HEATR6: variants seen among roughly 807,000 people sequenced by gnomAD.
HEATR6 encodes HEAT repeat-containing protein 6.
HEATR6 carries 106 observed loss-of-function variants against 132.8 expected under a neutral mutation model. The ratio of observed to expected loss-of-function variants is 0.80; its 90% CI spans 0.68 to 0.94. The LOEUF is 0.94. Among genes scored for constraint, HEATR6 ranks in the 40% least tolerant of loss-of-function variants. The pLI, the probability that HEATR6 is intolerant of heterozygous loss-of-function variation, is 0.00. For missense variants in HEATR6, 1,339 were observed against 1,425.1 expected, an observed-to-expected ratio of 0.94 and a Z score of 0.97; for synonymous variants, 529 against 537.8, an observed-to-expected ratio of 0.98 and a Z score of 0.23.
rs754256739 is a variant in HEATR6, at chr17:60,044,038, A to C, written c.3071T>G (p.Leu1024Arg). The C allele has an allele frequency of 1.2e-6, 2 of 1,614,178 alleles. No individual in the cohort carries two copies. Among genetic ancestry groups the C allele is most frequent in the African/African-American group, 2.7e-5 (2 of 75,052 alleles). ...CTGCTCTCTCTTCCCCGGGACGGAA[A>C]GGGCAGCTGCAGATCTGATGCGCAC... Reference protein sequence around the residue: ...FKVRIRSAAALSVPGKREQYG... With the variant: ...FKVRIRSAAARSVPGKREQYG... Residue 1024 changes from leucine (L) to arginine (R), a missense_variant, in exon 20 of 20, where the codon CTT (leucine) becomes CGT (arginine). By Grantham distance (102) the Leu-to-Arg change is moderately radical. Transcript: ENST00000184956.
intron 9 of HEATR6, chr17:60,063,751 A>G (rs1056534854): frequency 9.8e-5 from 15 of 152,292 alleles, no homozygotes; most frequent in African/African-American, 3.6e-4. Context: ...GCCATGGGTC[A>G]TATCAGACCT....
intron 14 of HEATR6, among the ~76,000 whole-genome samples, chr17:60,053,276 C>T (rs1343901431): frequency 1.3e-5 from 2 of 152,154 alleles, no homozygotes; most frequent in Non-Finnish European, 1.5e-5. Context: ...TGGAAGCTTC[C>T]GGAGGTCTCA....
At chr17:60,046,966 T>C (rs1377813833) in intron 18 of HEATR6, among the ~76,000 whole-genome samples, 2 of 152,184 alleles carry the variant, frequency 1.3e-5, no homozygotes, top group East Asian at 1.9e-4. Flanking sequence ...TTTAAACTTA[T>C]TAGTTTAACA....
At chr17:60,071,100 AAGAAAAATGTGACAAGGG>A (rs2083267939) in intron 5 of HEATR6, among the ~76,000 whole-genome samples, 1 of 152,230 alleles carries the variant, frequency 6.6e-6, no homozygotes, top group Admixed American at 6.5e-5. Context: ...GATGTTTAGC[AAGAAAAATGTGACAAGGG>A]ATAAAAAAGA....
intron 9 of HEATR6, chr17:60,063,561 T>C (rs543343424): frequency 9.2e-5 from 14 of 152,376 alleles, no homozygotes; most frequent in African/African-American, 3.4e-4. Flanking sequence ...CGAATGGACA[T>C]TTCTAAGTTT....
intron 14 of HEATR6, among the ~76,000 whole-genome samples, chr17:60,053,150 A>G (rs1389060832): frequency 1.3e-5 from 2 of 152,098 alleles, no homozygotes; most frequent in East Asian, 3.9e-4. Context: ...TGTGGTAATA[A>G]ATGAGTTCTT....
chr17:60,073,321 T>C (rs761654464), intron 3 of HEATR6, 42 bp from the exon 4 acceptor site: 2 of 1,135,618 alleles, frequency 1.8e-6, no homozygotes, highest in Middle Eastern at 2.0e-4. Flanking sequence ...GAAAAGCTTC[T>C]AGGAAAATAT....
chr17:60,051,506 T>G (rs1328973503), intron 14 of HEATR6, among the ~76,000 whole-genome samples: 1 of 152,326 alleles, frequency 6.6e-6, no homozygotes, highest in South Asian at 2.1e-4. Context: ...TTGCAGAGTC[T>G]GTGTGATAAT....
At chr17:60,059,665 T>C (rs546212701) in intron 10 of HEATR6, 144 bp from the exon 11 acceptor site, 14 of 652,090 alleles carry the variant, frequency 2.1e-5, no homozygotes, top group South Asian at 1.4e-4. Context: ...TGTATTCTCA[T>C]TGGTACAACT....
At position 60,072,891 on chromosome 17, in the gene HEATR6, A is replaced by G. The variant is rs187425534; in HGVS notation, c.584+273T>C. 5.3e-5 allele frequency among the ~76,000 whole-genome samples: 8 copies of G among 152,358 alleles called. No homozygotes were observed. In the East Asian group the frequency reaches 1.5e-3, roughly 29 times the overall value. ...TAAAAACTTAATATGCTTAGAATTTATATCAATAGAAAACAAAATTTTGAC... is the reference window on the plus strand; with the variant it reads ...TAAAAACTTAATATGCTTAGAATTTGTATCAATAGAAAACAAAATTTTGAC... On this transcript the variant is annotated intron_variant, in intron 4 of 19. Transcript: ENST00000184956.
intron 13 of HEATR6, among the ~76,000 whole-genome samples, chr17:60,055,835 T>C (rs1310893752): frequency 2.0e-5 from 3 of 152,272 alleles, no homozygotes; most frequent in Admixed American, 6.5e-5. Flanking sequence ...ATTTTCTTTC[T>C]TTTTTCAGTC....
intron 6 of HEATR6, 78 bp downstream of exon 6, chr17:60,070,628 T>C: frequency 1.4e-6 from 1 of 708,298 alleles, no homozygotes; most frequent in South Asian, 2.2e-5. Context: ...AAGTTAGCCT[T>C]AGAATAAGGA....
chr17:60,071,081 AAGAG>A (rs1362005280), intron 5 of HEATR6, among the ~76,000 whole-genome samples: 1 of 152,330 alleles, frequency 6.6e-6, no homozygotes, highest in East Asian at 1.9e-4. Flanking sequence ...AGCAAGAAAA[AAGAG>A]AGAAGATGTT....
Position 60,046,081 on chromosome 17 carries a change from C to A in HEATR6, c.2918G>T (p.Arg973Leu). Residue 973 changes from arginine (R) to leucine (L), a missense_variant, in exon 19 of 20, where the codon CGA becomes CTA. Coordinates refer to ENST00000184956, the MANE Select transcript of HEATR6 (RefSeq NM_022070.5). ...TCCCATTGCATAACAAGCATTCCATCGGACTTTCATGGCAGCTTCTGTTAG... is the reference window on the plus strand; with the variant it reads ...TCCCATTGCATAACAAGCATTCCATAGGACTTTCATGGCAGCTTCTGTTAG... Reference protein sequence around the residue: ...TVLTEAAMKVRWNACYAMGNV... With the variant: ...TVLTEAAMKVLWNACYAMGNV... The A allele has an allele frequency of 2.5e-6, 4 of 1,614,082 alleles. No homozygotes were observed. The highest frequency in any genetic ancestry group is 3.4e-6 in the Non-Finnish European group (4 of 1,180,000).
At position 60,056,118 on chromosome 17, in the gene HEATR6, T is replaced by C. The variant is rs1906736277; in HGVS notation, c.2199A>G (p.Ala733=). ...TTGTGGTTTTGATGAAAATTACCTT[T>C]GCTCCATGAAGCTGAATGGATGGAT... The part of the protein sequence containing the change: ...EADPSIQLHG[A]KLLEELGTGL... The change falls in exon 13 of 20, where the codon GCA becomes GCG. Residue 733 remains alanine, a synonymous_variant. Transcript: ENST00000184956. 1 of 1,613,642 alleles carries C rather than the reference T, an allele frequency of 6.2e-7. No individual in the cohort carries two copies. The highest frequency in any genetic ancestry group is 8.5e-7 in the Non-Finnish European group (1 of 1,179,842).
intron 9 of HEATR6, 68 bp from the exon 10 acceptor site, chr17:60,060,164 ATATT>A (rs1376879198): frequency 1.6e-5 from 16 of 1,007,544 alleles, no homozygotes; most frequent in Non-Finnish European, 2.5e-5. Context: ...CTTCCTATAC[ATATT>A]TAATGTTCAA....
chr17:60,074,046 T>C (rs2083284505), intron 2 of HEATR6, 160 bp from the exon 3 acceptor site: 1 of 1,357,598 alleles, frequency 7.4e-7, no homozygotes, highest in African/African-American at 1.5e-5. Flanking sequence ...GAAAGTTTGA[T>C]CAACGTAGGG....
chr17:60,073,876 T>C lies in HEATR6; in HGVS notation c.338A>G (p.Asp113Gly), dbSNP rs754308485. The C allele has an allele frequency of 1.2e-6, 2 of 1,613,338 alleles. No homozygotes were observed. Among genetic ancestry groups the C allele is most frequent in the Middle Eastern group, 1.7e-4 (1 of 6,060 alleles). The change falls in exon 3 of 20, where the codon GAT becomes GGT. Residue 113 changes from aspartate (D) to glycine (G), a missense_variant. Transcript: ENST00000184956. ...CAACAGGAAATCCAAGTGCTGTTCATCAACAATTACCTAACAGGACAGGAA... is the reference window on the plus strand; with the variant it reads ...CAACAGGAAATCCAAGTGCTGTTCACCAACAATTACCTAACAGGACAGGAA... The part of the protein sequence containing the change: ...HLLNRLQVIV[D>G]EQHLDFLLAY...
chr17:60,065,304 A>G (rs1248678744), intron 9 of HEATR6, among the ~76,000 whole-genome samples: 1 of 152,224 alleles, frequency 6.6e-6, no homozygotes, highest in African/African-American at 2.4e-5. Flanking sequence ...AAATTTTCTT[A>G]TATAGTAAGT....
Sources: gnomAD v4.1 joint callset for allele counts (sites outside exome capture counted in the v4.1 genomes callset) on GRCh38, gnomAD v4.1.1 for gene constraint, MANE v1.5 for transcripts, NCBI Gene and HGNC (gene_info 2026-07-23, HGNC 2026-07-21) for gene names.